ANK2: variants seen among roughly 807,000 people sequenced by gnomAD.
ANK2 encodes the protein ankyrin 2.
ANK2 carries 83 observed loss-of-function variants against 360.5 expected under a neutral mutation model. That is an observed-to-expected ratio of 0.23 (90% CI 0.19 to 0.28). The LOEUF (loss-of-function observed/expected upper bound fraction) is 0.28. Among genes scored for constraint, ANK2 ranks in the 10% least tolerant of loss-of-function variants. The probability of loss-of-function intolerance (pLI) is 1.00; values close to 1 mark genes in which losing one functional copy is unlikely to be tolerated. For missense variants in ANK2, 4,201 were observed against 4,795.7 expected, an observed-to-expected ratio of 0.88 and a Z score of 3.66; for synonymous variants, 1,740 against 1,759.5, an observed-to-expected ratio of 0.99 and a Z score of 0.28.
At chr4:113,170,839 C>A (rs552144816) in intron 1 of ANK2, among the ~76,000 whole-genome samples, 1 of 152,270 alleles carries the variant, frequency 6.6e-6, no homozygotes, top group African/African-American at 2.4e-5. Context: ...TGAGATGTCA[C>A]TCCAGGGTTA....
At chr4:112,871,597 ATTTC>A (rs1416861030) in intron 1 of ANK2, among the ~76,000 whole-genome samples, 2 of 152,178 alleles carry the variant, frequency 1.3e-5, no homozygotes, top group African/African-American at 4.8e-5. Flanking sequence ...AATGCCTTTT[ATTTC>A]TTTCTCTTGC....
At chr4:113,079,209 C>G (rs577294239) in intron 1 of ANK2, among the ~76,000 whole-genome samples, 11 of 152,270 alleles carry the variant, frequency 7.2e-5, no homozygotes, top group African/African-American at 2.6e-4. Context: ...TTCTTGGAAT[C>G]TATTGAGTTA....
the ANK2 span, among the ~76,000 whole-genome samples, chr4:112,764,147 C>A: frequency 6.7e-6 from 1 of 148,710 alleles, no homozygotes; most frequent in Non-Finnish European, 1.5e-5. Flanking sequence ...GTTTCACCAT[C>A]TTGGCCAGGC....
intron 31 of ANK2, among the ~76,000 whole-genome samples, chr4:113,338,789 C>T (rs1211918370): frequency 6.6e-6 from 1 of 151,782 alleles, no homozygotes; most frequent in Non-Finnish European, 1.5e-5. Flanking sequence ...GACCTTGTGA[C>T]CCGCCCACCT....
chr4:112,829,965 A>G (rs1413571369), intron 1 of ANK2, among the ~76,000 whole-genome samples: 1 of 143,938 alleles, frequency 6.9e-6, no homozygotes, highest in Non-Finnish European at 1.5e-5. Flanking sequence ...TCTCAAAAAA[A>G]TAAAAATAAA....
At chr4:113,036,098 T>G (rs980122077) in intron 2 of ANK2, among the ~76,000 whole-genome samples, 2 of 151,798 alleles carry the variant, frequency 1.3e-5, no homozygotes, top group African/African-American at 2.4e-5. Context: ...TGTTTTCTAG[T>G]GGAAAAAGAA....
chr4:113,050,158 T>C (rs938358760), intron 1 of ANK2, among the ~76,000 whole-genome samples: 3 of 151,984 alleles, frequency 2.0e-5, no homozygotes, highest in Non-Finnish European at 4.4e-5. Context: ...AAAGGAAGAG[T>C]GTTAAGCAAC....
At position 112,873,072 on chromosome 4, in the gene ANK2, C is replaced by T. The variant is rs536909338; in HGVS notation, c.-39-31383C>T. Among the ~76,000 whole-genome samples, 47 of 152,030 alleles carry T rather than the reference C, an allele frequency of 3.1e-4. 1 individual carries two copies. The South Asian group carries it at 9.8e-3, about 32-fold the overall frequency. On this transcript the variant is annotated intron_variant, in intron 1 of 30. Coordinates refer to the ANK2 transcript ENST00000503271. ...TGTGAGATTGGTAGTAATATTTAGT[C>T]TTTCATTTCCAATTTGAGTAATTTG...
chr4:113,381,137 A>G (rs1330814327), intron 45 of ANK2, among the ~76,000 whole-genome samples: 1 of 152,216 alleles, frequency 6.6e-6, no homozygotes, highest in East Asian at 1.9e-4. Context: ...TAATCAAACC[A>G]TGAATGATTT....
In ANK2 at chr4:113,198,999, T is replaced by C. The variant is rs2153404681; in HGVS notation, c.286-12T>C. The C allele has an allele frequency of 6.2e-7, 1 of 1,601,294 alleles. No homozygotes were observed. Among genetic ancestry groups the C allele is most frequent in the South Asian group, 1.1e-5 (1 of 90,794 alleles). On this transcript the variant is annotated splice_polypyrimidine_tract_variant and intron_variant, in intron 3 of 45. Coordinates refer to ENST00000357077, the MANE Select transcript of ANK2 (RefSeq NM_001148.6). ...AACCTTGAACATTTTCTATTTTGTT[T>C]CTCCAAAACAGAAGGGAAATACCGC...
At chr4:113,101,052 G>A (rs1306170947) in intron 1 of ANK2, among the ~76,000 whole-genome samples, 1 of 152,054 alleles carries the variant, frequency 6.6e-6, no homozygotes, top group Non-Finnish European at 1.5e-5. Context: ...TTGTAATGCT[G>A]TGTGATCCTG....
At chr4:112,782,986 C>T in the ANK2 span, among the ~76,000 whole-genome samples, 1 of 152,026 alleles carries the variant, frequency 6.6e-6, no homozygotes, top group East Asian at 1.9e-4. Flanking sequence ...CTCACCTCAC[C>T]ACAACCTCCA....
At chr4:113,162,003 T>A (rs1211457457) in intron 1 of ANK2, among the ~76,000 whole-genome samples, 1 of 152,154 alleles carries the variant, frequency 6.6e-6, no homozygotes, top group Non-Finnish European at 1.5e-5. Flanking sequence ...CATTTTTAAT[T>A]CCCTACTCTA....
upstream of ANK2, among the ~76,000 whole-genome samples, chr4:112,814,289 C>A (rs2055489359): frequency 1.3e-5 from 2 of 152,034 alleles, no homozygotes; most frequent in Non-Finnish European, 2.9e-5. Flanking sequence ...TGAACAATAA[C>A]TCAGCCAACG....
At chr4:113,110,630 C>T (rs1328537500) in intron 1 of ANK2, among the ~76,000 whole-genome samples, 2 of 152,148 alleles carry the variant, frequency 1.3e-5, no homozygotes, top group Non-Finnish European at 2.9e-5. Context: ...TAGTCATTTT[C>T]ACCAGGTGAA....
At chr4:112,781,330 C>A in the ANK2 span, among the ~76,000 whole-genome samples, 1 of 152,126 alleles carries the variant, frequency 6.6e-6, no homozygotes, top group South Asian at 2.1e-4. Context: ...GAACTCCAGA[C>A]CTCAGGTGAT....
intron 2 of ANK2, among the ~76,000 whole-genome samples, chr4:113,036,884 A>T (rs2061723005): frequency 6.6e-6 from 1 of 151,918 alleles, no homozygotes. Flanking sequence ...AGCAAAGTAC[A>T]CACATACTTA....
At chr4:113,209,160 G>C (rs564782274) in intron 4 of ANK2, among the ~76,000 whole-genome samples, 9 of 151,882 alleles carry the variant, frequency 5.9e-5, no homozygotes, top group Non-Finnish European at 1.2e-4. Flanking sequence ...GAAAGAATAG[G>C]GGCCTGGAGC....
At chr4:112,816,576 A>G (rs1365646748), upstream of ANK2, among the ~76,000 whole-genome samples, 1 of 152,180 alleles carries the variant, frequency 6.6e-6, no homozygotes, top group African/African-American at 2.4e-5. Context: ...CATATAAGAA[A>G]ATGGCACAAT....
Sources: allele counts gnomAD v4.1 joint callset (sites outside exome capture counted in the v4.1 genomes callset), GRCh38; gene constraint gnomAD v4.1.1; transcripts MANE v1.5; gene names NCBI Gene and HGNC (gene_info 2026-07-23, HGNC 2026-07-21).